Variants in ZBTB20 observed in about 807,000 individuals in gnomAD.
The protein encoded by ZBTB20 is zinc finger and BTB domain-containing protein 20.
Under a neutral mutation model 56.9 loss-of-function variants are expected in ZBTB20, and 9 were observed. The ratio of observed to expected loss-of-function variants is 0.16; its 90% CI spans 0.10 to 0.28. The LOEUF (loss-of-function observed/expected upper bound fraction) is 0.28, where lower values mean the gene tolerates loss of function less well. Among genes scored for constraint, ZBTB20 ranks in the 10% least tolerant of loss-of-function variants. The probability of loss-of-function intolerance (pLI) is 1.00; values close to 1 mark genes in which losing one functional copy is unlikely to be tolerated. For missense variants in ZBTB20, 655 were observed against 1,003.0 expected, an observed-to-expected ratio of 0.65 and a Z score of 4.69; for synonymous variants, 417 against 420.7, an observed-to-expected ratio of 0.99 and a Z score of 0.11.
At chr3:114,396,809 C>G in intron 7 of ZBTB20, among the ~76,000 whole-genome samples, 1 of 152,146 alleles carries the variant, frequency 6.6e-6, no homozygotes. Context: ...TGTTTTCCCT[C>G]CCTGTATTAA....
intron 1 of ZBTB20, among the ~76,000 whole-genome samples, chr3:115,113,733 T>C (rs542389589): frequency 8.5e-5 from 13 of 152,312 alleles, no homozygotes; most frequent in South Asian, 8.3e-4. Flanking sequence ...TGCAGTGAGA[T>C]TGGTGATTCC....
intron 1 of ZBTB20, among the ~76,000 whole-genome samples, chr3:115,110,448 A>G (rs2108624737): frequency 1.3e-5 from 2 of 152,354 alleles, no homozygotes; most frequent in East Asian, 3.9e-4. Context: ...GGTCAGATCA[A>G]AAGTTTTTAT....
intron 4 of ZBTB20, among the ~76,000 whole-genome samples, chr3:114,857,287 C>G (rs985449648): frequency 2.0e-5 from 3 of 152,174 alleles, no homozygotes; most frequent in Admixed American, 6.5e-5. Flanking sequence ...TCTAAGTGCT[C>G]TCTACCTAAA....
chr3:114,511,552 T>C (rs1416247378), intron 6 of ZBTB20, among the ~76,000 whole-genome samples: 1 of 152,162 alleles, frequency 6.6e-6, no homozygotes, highest in Non-Finnish European at 1.5e-5. Context: ...TGTGAACTTT[T>C]AACCTCTCTT....
chr3:114,902,933 C>T (rs1170921011), intron 3 of ZBTB20, among the ~76,000 whole-genome samples: 3 of 152,130 alleles, frequency 2.0e-5, no homozygotes, highest in Non-Finnish European at 4.4e-5. Context: ...CTCTCAATAG[C>T]AGTTCAGTTT....
intron 7 of ZBTB20, among the ~76,000 whole-genome samples, chr3:114,414,840 T>C (rs997142925): frequency 1.3e-5 from 2 of 151,052 alleles, no homozygotes; most frequent in African/African-American, 4.8e-5. Flanking sequence ...AGGAGCTATT[T>C]GTGAGTTTTA....
At chr3:114,877,979 G>T (rs903088079) in intron 4 of ZBTB20, among the ~76,000 whole-genome samples, 3 of 152,020 alleles carry the variant, frequency 2.0e-5, no homozygotes, top group African/African-American at 7.2e-5. Context: ...CTTTGTTTCA[G>T]ATATACCAGG....
intron 6 of ZBTB20, among the ~76,000 whole-genome samples, chr3:114,542,061 C>T (rs1005409425): frequency 6.6e-6 from 1 of 152,028 alleles, no homozygotes; most frequent in Non-Finnish European, 1.5e-5. Context: ...ATTTAAAATT[C>T]ATTTTATTGA....
chr3:115,122,964 G>A (rs1264252289), intron 1 of ZBTB20, among the ~76,000 whole-genome samples: 2 of 152,054 alleles, frequency 1.3e-5, no homozygotes, highest in Non-Finnish European at 2.9e-5. Context: ...TCAGAACCCA[G>A]TAAATTACCT....
intron 6 of ZBTB20, among the ~76,000 whole-genome samples, chr3:114,532,833 G>A (rs1277060731): frequency 6.6e-6 from 1 of 152,152 alleles, no homozygotes; most frequent in Non-Finnish European, 1.5e-5. Flanking sequence ...TCTGCTGGTG[G>A]TACCCAGGCA....
intron 11 of ZBTB20, among the ~76,000 whole-genome samples, chr3:114,343,192 G>A (rs2079923553): frequency 6.6e-6 from 1 of 150,822 alleles, no homozygotes; most frequent in South Asian, 2.1e-4. Context: ...AGAAGATGCA[G>A]AGGGTTCTGC....
At chr3:114,669,374 G>A (rs1035652929) in intron 6 of ZBTB20, among the ~76,000 whole-genome samples, 1 of 152,004 alleles carries the variant, frequency 6.6e-6, no homozygotes, top group African/African-American at 2.4e-5. Context: ...AGACACCTTA[G>A]AGGGAACTAC....
chr3:114,441,373 T>A (rs1391635722), intron 7 of ZBTB20, among the ~76,000 whole-genome samples: 1 of 152,180 alleles, frequency 6.6e-6, no homozygotes, highest in Non-Finnish European at 1.5e-5. Context: ...ATTCTCCTAA[T>A]AGGAGTTATA....
chr3:114,577,414 A>G (rs2054200712), intron 6 of ZBTB20, among the ~76,000 whole-genome samples: 1 of 152,348 alleles, frequency 6.6e-6, no homozygotes, highest in South Asian at 2.1e-4. Flanking sequence ...ATAAAGAGAG[A>G]TAAGAATCAA....
At chr3:114,369,914 C>T (rs1400698635) in intron 10 of ZBTB20, among the ~76,000 whole-genome samples, 1 of 152,104 alleles carries the variant, frequency 6.6e-6, no homozygotes, top group Non-Finnish European at 1.5e-5. Flanking sequence ...GACACCTATC[C>T]TCTGCTTAGT....
intron 2 of ZBTB20, among the ~76,000 whole-genome samples, chr3:115,009,042 CAT>C (rs1302067619): frequency 3.3e-5 from 5 of 151,772 alleles, no homozygotes; most frequent in African/African-American, 9.7e-5. Context: ...TTATTGGACA[CAT>C]ATTTTTATGA....
intron 11 of ZBTB20, among the ~76,000 whole-genome samples, chr3:114,346,053 A>G (rs374695925): frequency 1.3e-5 from 2 of 152,250 alleles, no homozygotes; most frequent in East Asian, 1.9e-4. Context: ...TGAATGAAAG[A>G]AACTCCTAGA....
At chr3:114,682,356 A>G (rs1292381306) in intron 6 of ZBTB20, among the ~76,000 whole-genome samples, 1 of 152,196 alleles carries the variant, frequency 6.6e-6, no homozygotes, top group Non-Finnish European at 1.5e-5. Flanking sequence ...AGAATTCTAC[A>G]ATGCCTTTTG....
Position 114,569,454 on chromosome 3 carries a change from T to C in ZBTB20, c.-294-69063A>G, listed in dbSNP as rs112363727. On this transcript the variant is annotated intron_variant, in intron 6 of 11. Coordinates refer to ENST00000675478, the MANE Select transcript of ZBTB20 (RefSeq NM_001348800.3). ...ACATTCAGTTTCTTAACCTGAGAAA[T>C]GAGGCAGGCCCTGGGATCAGAAACT... Among the ~76,000 whole-genome samples the C allele has an allele frequency of 7.8e-3, 1,188 of 152,334 alleles. 9 individuals carry two copies. The highest frequency in any genetic ancestry group is 0.012 in the Non-Finnish European group (843 of 68,028).
Sources: allele counts gnomAD v4.1 joint callset (sites outside exome capture counted in the v4.1 genomes callset), GRCh38; gene constraint gnomAD v4.1.1; transcripts MANE v1.5; gene names NCBI Gene and HGNC (gene_info 2026-07-23, HGNC 2026-07-21).